The following MAGI1 variants were observed in gnomAD, a reference collection of about 807,000 sequenced individuals.
MAGI1 encodes membrane-associated guanylate kinase, WW and PDZ domain-containing protein 1.
MAGI1 carries 58 observed loss-of-function variants against 139.9 expected under a neutral mutation model. That is an observed-to-expected ratio of 0.41 (90% CI 0.34 to 0.52). MAGI1 has a LOEUF of 0.52. Among genes scored for constraint, MAGI1 ranks in the 20% least tolerant of loss-of-function variants. MAGI1 has a pLI of 0.12. For missense variants in MAGI1, 1,874 were observed against 1,901.6 expected (o/e 0.99, Z 0.27); for synonymous variants, 812 against 737.9 (o/e 1.10, Z -1.63).
At chr3:65,755,492 G>A (rs1218490234) in intron 1 of MAGI1, among the ~76,000 whole-genome samples, 3 of 151,626 alleles carry the variant, frequency 2.0e-5, no homozygotes, top group South Asian at 2.1e-4. Context: ...AGAGTACTTC[G>A]GGGGCAAGGG....
At chr3:65,853,707 A>G (rs1382194365) in intron 1 of MAGI1, among the ~76,000 whole-genome samples, 1 of 152,174 alleles carries the variant, frequency 6.6e-6, no homozygotes, top group Non-Finnish European at 1.5e-5. Context: ...ACAAGACCAT[A>G]TTTTATTAAA....
At chr3:65,381,507 T>A (rs1485761683) in intron 16 of MAGI1, among the ~76,000 whole-genome samples, 1 of 152,100 alleles carries the variant, frequency 6.6e-6, no homozygotes, top group East Asian at 1.9e-4. Flanking sequence ...CAAACCCGAT[T>A]TTTGTTCCCT....
At chr3:65,810,822 G>T (rs549643849) in intron 1 of MAGI1, among the ~76,000 whole-genome samples, 1 of 152,240 alleles carries the variant, frequency 6.6e-6, no homozygotes, top group East Asian at 1.9e-4. Flanking sequence ...CCTCGTAATT[G>T]ACTTTGTTTT....
At chr3:65,990,909 C>A (rs2066136565) in intron 1 of MAGI1, among the ~76,000 whole-genome samples, 1 of 152,058 alleles carries the variant, frequency 6.6e-6, no homozygotes, top group Non-Finnish European at 1.5e-5. Context: ...ATCACTTGAG[C>A]CCAGGAGTTT....
At chr3:65,468,966 T>TAAATAAAA (rs1950370493) in intron 5 of MAGI1, among the ~76,000 whole-genome samples, 1 of 149,548 alleles carries the variant, frequency 6.7e-6, no homozygotes, top group African/African-American at 2.4e-5. Flanking sequence ...AATAAATAAA[T>TAAATAAAA]AAATAAATAA....
At chr3:65,487,760 C>G (rs555410470) in intron 3 of MAGI1, among the ~76,000 whole-genome samples, 2 of 152,248 alleles carry the variant, frequency 1.3e-5, no homozygotes, top group African/African-American at 4.8e-5. Context: ...TGGGAAGATT[C>G]AACACGATGA....
intron 2 of MAGI1, among the ~76,000 whole-genome samples, chr3:65,547,967 T>C (rs908709841): frequency 6.6e-6 from 1 of 152,144 alleles, no homozygotes; most frequent in Non-Finnish European, 1.5e-5. Flanking sequence ...TTAAGAACAA[T>C]GTTCAAATGA....
chr3:65,413,300 A>T (rs893439327), intron 12 of MAGI1, among the ~76,000 whole-genome samples: 31 of 152,216 alleles, frequency 2.0e-4, no homozygotes, highest in African/African-American at 7.5e-4. Flanking sequence ...GCCTGGTACC[A>T]TATCAAGCTT....
chr3:65,440,826 T>A (rs954548114), intron 8 of MAGI1, among the ~76,000 whole-genome samples: 1 of 117,154 alleles, frequency 8.5e-6, no homozygotes, highest in Admixed American at 9.4e-5. Context: ...TATGTGTACA[T>A]GTATACATAT....
chr3:65,811,038 G>A (rs539375556), intron 1 of MAGI1, among the ~76,000 whole-genome samples: 2 of 152,262 alleles, frequency 1.3e-5, no homozygotes, highest in East Asian at 1.9e-4. Flanking sequence ...ATGGACAAAC[G>A]AAAGCACACT....
chr3:65,605,100 GA>G (rs2082673545), intron 2 of MAGI1, among the ~76,000 whole-genome samples: 1 of 152,166 alleles, frequency 6.6e-6, no homozygotes. Context: ...TAAAGTTCCA[GA>G]AACTTCAAAC....
intron 1 of MAGI1, among the ~76,000 whole-genome samples, chr3:65,765,820 C>G (rs958901149): frequency 2.6e-5 from 4 of 152,172 alleles, no homozygotes; most frequent in Admixed American, 2.6e-4. Flanking sequence ...ATTTCTCTGT[C>G]TTTCTCAATC....
chr3:66,038,893 G>A lies in MAGI1; in HGVS notation c.-585C>T, dbSNP rs116252861. 2,239 of 152,152 alleles carry A rather than the reference G, an allele frequency of 0.015. 70 individuals are homozygous for A. The highest frequency in any genetic ancestry group is 0.051 in the African/African-American group (2,121 of 41,528). 9.4% of individuals were successfully genotyped at this position (152,152 alleles called of 1,614,324 possible). ...CTATTCCGCGCCGCGGAGCGCAGCG[G>A]CCGGCGACAGGAGACGCGCGCGCAT... is the stretch of plus-strand genomic sequence containing the variant. On this transcript the variant is annotated 5_prime_UTR_variant, in exon 1 of 23. Coordinates refer to ENST00000402939, the MANE Select transcript of MAGI1 (RefSeq NM_001033057.2).
At chr3:65,469,932 T>C (rs1185027237) in intron 5 of MAGI1, 1 of 147,778 alleles carries the variant, frequency 6.8e-6, no homozygotes, top group African/African-American at 2.5e-5. Context: ...ATTTAAATAT[T>C]TATAAATATA....
At position 65,901,964 on chromosome 3, in the gene MAGI1, C is replaced by T. The variant is rs2061251157; in HGVS notation, c.313+136032G>A. Among the ~76,000 whole-genome samples the T allele has an allele frequency of 2.0e-5, 3 of 152,010 alleles. No individual in the cohort carries two copies. The South Asian group carries it at 6.2e-4, about 32-fold the overall frequency. The stretch of plus-strand genomic sequence containing the variant: ...ATTTTCACTACACAAAAAGAACTAC[C>T]AAGACTGGTCTCCTCAAAAGGATAA... On this transcript the variant is annotated intron_variant, in intron 1 of 22. Coordinates refer to ENST00000402939, the MANE Select transcript of MAGI1 (RefSeq NM_001033057.2).
At chr3:65,932,043 T>A (rs2062829308) in intron 1 of MAGI1, among the ~76,000 whole-genome samples, 1 of 152,194 alleles carries the variant, frequency 6.6e-6, no homozygotes, top group South Asian at 2.1e-4. Flanking sequence ...TCCAAACACA[T>A]GGAAACAGGG....
intron 1 of MAGI1, among the ~76,000 whole-genome samples, chr3:65,692,319 T>C (rs1047611278): frequency 1.3e-5 from 2 of 152,202 alleles, no homozygotes; most frequent in African/African-American, 4.8e-5. Context: ...CATGAATTCA[T>C]TTAGCAGATA....
chr3:65,985,824 T>C (rs7620106), intron 1 of MAGI1, among the ~76,000 whole-genome samples: 75,638 of 152,038 alleles, frequency 0.5, 22,076 homozygotes, highest in East Asian at 0.84. Flanking sequence ...ATGAAAAGGA[T>C]AGTGAGTGGC....
intron 13 of MAGI1, among the ~76,000 whole-genome samples, chr3:65,399,547 T>A (rs568275766): frequency 7.9e-5 from 12 of 152,296 alleles, no homozygotes; most frequent in African/African-American, 2.4e-4. Context: ...AGCCCCAAGC[T>A]GGGGGCTTAT....
Sources: allele counts gnomAD v4.1 joint callset (sites outside exome capture counted in the v4.1 genomes callset), GRCh38; gene constraint gnomAD v4.1.1; transcripts MANE v1.5; gene names NCBI Gene and HGNC (gene_info 2026-07-23, HGNC 2026-07-21).